Variants in ASIC2 observed in about 807,000 individuals in gnomAD.
ASIC2 encodes acid sensing ion channel subunit 2.
In ASIC2, 25 loss-of-function variants were observed where a neutral mutation model predicts 57.3. The observed-to-expected ratio is 0.44, with a 90% CI of 0.32 to 0.61. The LOEUF (loss-of-function observed/expected upper bound fraction) is 0.61, where lower values mean the gene tolerates loss of function less well. Among genes scored for constraint, ASIC2 ranks in the 20% least tolerant of loss-of-function variants. The pLI is 0.06. For missense variants in ASIC2, 641 were observed against 738.1 expected, an observed-to-expected ratio of 0.87 and a Z score of 1.52; for synonymous variants, 319 against 307.5, an observed-to-expected ratio of 1.04 and a Z score of -0.39.
At chr17:34,084,877 C>T (rs1305378432) in intron 1 of ASIC2, among the ~76,000 whole-genome samples, 5 of 152,074 alleles carry the variant, frequency 3.3e-5, no homozygotes, top group Non-Finnish European at 7.4e-5. Context: ...GTGATTTTTG[C>T]ACATTGATTT....
intron 1 of ASIC2, among the ~76,000 whole-genome samples, chr17:33,459,554 C>T (rs962872177): frequency 6.6e-6 from 1 of 152,222 alleles, no homozygotes; most frequent in Non-Finnish European, 1.5e-5. Context: ...GGGCGAGAAG[C>T]TGAAAGCATC....
intron 1 of ASIC2, among the ~76,000 whole-genome samples, chr17:34,030,635 G>A (rs576733202): frequency 1.3e-5 from 2 of 152,326 alleles, no homozygotes; most frequent in African/African-American, 4.8e-5. Context: ...ACAGCACCTG[G>A]AAAATCGGGT....
intron 1 of ASIC2, among the ~76,000 whole-genome samples, chr17:33,507,038 G>A (rs1279947863): frequency 3.9e-5 from 6 of 152,142 alleles, no homozygotes; most frequent in Non-Finnish European, 8.8e-5. Flanking sequence ...AGTCTTCACT[G>A]GGGCAGGGTC....
intron 1 of ASIC2, among the ~76,000 whole-genome samples, chr17:33,519,139 C>A (rs568500451): frequency 6.6e-6 from 1 of 152,328 alleles, no homozygotes; most frequent in Admixed American, 6.5e-5. Context: ...TCTTTTTAAT[C>A]ATCATCCCAT....
chr17:33,759,434 G>A (rs577801037), intron 1 of ASIC2, among the ~76,000 whole-genome samples: 1 of 152,200 alleles, frequency 6.6e-6, no homozygotes, highest in Non-Finnish European at 1.5e-5. Context: ...CTGGCCATGT[G>A]GGAGATAATA....
chr17:33,286,851 A>G (rs1423240631), intron 1 of ASIC2, among the ~76,000 whole-genome samples: 4 of 152,136 alleles, frequency 2.6e-5, no homozygotes, highest in Admixed American at 6.5e-5. Context: ...ATTTAATTTT[A>G]TACCCCCCAG....
intron 1 of ASIC2, among the ~76,000 whole-genome samples, chr17:34,139,092 T>C (rs9895553): frequency 0.022 from 3,340 of 152,098 alleles, 64 homozygotes; most frequent in East Asian, 0.058. Flanking sequence ...TAGCACAAAC[T>C]GAATGTTTAA....
intron 1 of ASIC2, among the ~76,000 whole-genome samples, chr17:33,285,952 C>T (rs1215242243): frequency 2.0e-5 from 3 of 152,214 alleles, no homozygotes; most frequent in Non-Finnish European, 4.4e-5. Flanking sequence ...GGAAATAGCT[C>T]ACATTTCCTG....
intron 1 of ASIC2, among the ~76,000 whole-genome samples, chr17:33,725,931 C>G (rs1020040901): frequency 1.2e-4 from 18 of 152,178 alleles, no homozygotes; most frequent in Non-Finnish European, 7.3e-5. Flanking sequence ...GGAGCCGACT[C>G]TGGAATACCC....
At chr17:33,425,196 ATGAGGGCAGAGGCTGTGTCTGTT>A (rs1449966804) in intron 1 of ASIC2, among the ~76,000 whole-genome samples, 4 of 152,224 alleles carry the variant, frequency 2.6e-5, no homozygotes, top group African/African-American at 9.6e-5. Context: ...TCTAAACTCC[ATGAGGGCAGAGGCTGTGTCTGTT>A]TTGTGCATTG....
At chr17:33,674,042 T>C (rs569446549) in intron 1 of ASIC2, among the ~76,000 whole-genome samples, 1 of 152,188 alleles carries the variant, frequency 6.6e-6, no homozygotes, top group South Asian at 2.1e-4. Flanking sequence ...TATAGGCACA[T>C]GCCACCAAGC....
At chr17:33,383,996 G>A (rs1413225449) in intron 1 of ASIC2, among the ~76,000 whole-genome samples, 1 of 152,298 alleles carries the variant, frequency 6.6e-6, no homozygotes, top group Admixed American at 6.5e-5. Flanking sequence ...TGGAAGCTAA[G>A]CATGCATTAT....
rs575699521 is a variant in ASIC2 at position 33,989,175 on chromosome 17, A to G, written c.555+166803T>C. On this transcript the variant is annotated intron_variant, in intron 1 of 9. Transcript: ENST00000359872. ...ATGTTAAACAGAGTCACACCAGTGA[A>G]GGGTAAAGGAGTAGGAATGATGGTA... 2.4e-4 allele frequency among the ~76,000 whole-genome samples: 36 copies of G among 152,194 alleles called. 1 individual carries two copies. The South Asian group carries it at 5.4e-3, about 23-fold the overall frequency.
intron 1 of ASIC2, among the ~76,000 whole-genome samples, chr17:34,075,142 A>T (rs1192439474): frequency 6.6e-6 from 1 of 152,070 alleles, no homozygotes; most frequent in East Asian, 1.9e-4. Flanking sequence ...TGTGCTTGTG[A>T]GAGAGGAGAA....
At chr17:33,163,421 T>C (rs1905217344) in intron 1 of ASIC2, among the ~76,000 whole-genome samples, 1 of 151,834 alleles carries the variant, frequency 6.6e-6, no homozygotes, top group South Asian at 2.1e-4. Context: ...TCTGAGACCC[T>C]TCTATGCTAC....
At chr17:33,886,650 T>C (rs761418522) in intron 1 of ASIC2, among the ~76,000 whole-genome samples, 11 of 152,080 alleles carry the variant, frequency 7.2e-5, no homozygotes, top group African/African-American at 9.7e-5. Context: ...CTGACTTGGG[T>C]CTAAGTCACT....
At chr17:34,127,751 G>A (rs1598039814) in intron 1 of ASIC2, among the ~76,000 whole-genome samples, 1 of 152,128 alleles carries the variant, frequency 6.6e-6, no homozygotes, top group Non-Finnish European at 1.5e-5. Flanking sequence ...AAGAAGGGAG[G>A]GCTGAACTCA....
chr17:33,117,358 TA>T (rs2092285331), intron 1 of ASIC2, among the ~76,000 whole-genome samples: 1 of 151,778 alleles, frequency 6.6e-6, no homozygotes, highest in Non-Finnish European at 1.5e-5. Flanking sequence ...GTATTTTTAG[TA>T]GAGACAAGGT....
At chr17:33,756,300 A>T (rs188145766) in intron 1 of ASIC2, among the ~76,000 whole-genome samples, 5 of 152,320 alleles carry the variant, frequency 3.3e-5, no homozygotes, top group East Asian at 3.9e-4. Context: ...GACTTTCCAA[A>T]CACCAGCCCC....
Sources: allele counts gnomAD v4.1 joint callset (sites outside exome capture counted in the v4.1 genomes callset), GRCh38; gene constraint gnomAD v4.1.1; transcripts MANE v1.5; gene names NCBI Gene and HGNC (gene_info 2026-07-23, HGNC 2026-07-21).